The following SCYL1 variants were observed in gnomAD, a reference collection of about 807,000 sequenced individuals.
SCYL1 encodes N-terminal kinase-like protein.
In SCYL1, 85 loss-of-function variants were observed where a neutral mutation model predicts 94.8. The observed-to-expected ratio is 0.90, with a 90% CI of 0.75 to 1.07. The LOEUF (loss-of-function observed/expected upper bound fraction) is 1.07, where lower values mean the gene tolerates loss of function less well. Among genes scored for constraint, SCYL1 ranks in the 50% least tolerant of loss-of-function variants. The pLI is 0.00. For synonymous variants in SCYL1, 459 were observed against 435.5 expected, an observed-to-expected ratio of 1.05 and a Z score of -0.67; for missense variants, 968 against 1,083.3, an observed-to-expected ratio of 0.89 and a Z score of 1.49.
At position 65,536,137 on chromosome 11, in the gene SCYL1, A is replaced by C. The variant is rs769181430; in HGVS notation, c.1571A>C (p.Asp524Ala). The change falls in exon 11 of 18, where the codon GAC (aspartate) becomes GCC (alanine). Residue 524 changes from aspartate (D) to alanine (A), a missense_variant. By Grantham distance (126) the Asp-to-Ala change is moderately radical (BLOSUM62 -2). This residue lies in a region of SCYL1 where 474 missense variants were observed against 463.6 expected (regional missense o/e 1.02). Coordinates refer to ENST00000270176, the MANE Select transcript of SCYL1 (RefSeq NM_020680.4). ...GTAGATCCTGAGAAATCCGTGCGAG[A>C]CCAGGTGAGGCACAGCTGGGCCTGG... is the stretch of plus-strand genomic sequence containing the variant. ...LTVDPEKSVR[D>A]QAFKAIRSFL... The C allele has an allele frequency of 1.2e-6, 2 of 1,613,270 alleles. No individual in the cohort carries two copies. Among genetic ancestry groups the C allele is most frequent in the South Asian group, 2.2e-5 (2 of 90,988 alleles).
chr11:65,535,852 G>T, intron 10 of SCYL1, 101 bp from the exon 11 acceptor site: 1 of 1,132,542 alleles, frequency 8.8e-7, no homozygotes, highest in East Asian at 2.4e-5. Flanking sequence ...TTCAGATTCT[G>T]GGGACCTATG....
intron 6 of SCYL1, among the ~76,000 whole-genome samples, chr11:65,528,144 T>C (rs1855182589): frequency 6.6e-6 from 1 of 152,080 alleles, no homozygotes; most frequent in Admixed American, 6.5e-5. Flanking sequence ...ACAGAAAACA[T>C]AAAAACCATA....
At chr11:65,537,921 T>C in intron 15 of SCYL1, 41 bp downstream of exon 15, 1 of 1,583,948 alleles carries the variant, frequency 6.3e-7, no homozygotes, top group South Asian at 1.1e-5. Flanking sequence ...ATGGGGCTCT[T>C]TCCTCCTTGG....
At chr11:65,530,828 C>G in intron 7 of SCYL1, 41 bp downstream of exon 7, 1 of 1,570,288 alleles carries the variant, frequency 6.4e-7, no homozygotes, top group Non-Finnish European at 8.6e-7. Context: ...GCTGGGTGCA[C>G]AGGAACTGCC....
chr11:65,532,849 GGCTTGGAGGGGCTCACCCT>G (rs1215289564), intron 9 of SCYL1, 44 bp downstream of exon 9: 18 of 1,409,080 alleles, frequency 1.3e-5, no homozygotes, highest in Non-Finnish European at 1.8e-5. Context: ...GGTTTTCCAA[GGCTTGGAGGGGCTCACCCT>G]AGACACAGAG....
At position 65,537,077 on chromosome 11, in the gene SCYL1, G is replaced by A. The variant is rs1483713720; in HGVS notation, c.1908G>A (p.Glu636=). ...ETQEEDKDTA[E]DSSTADRWDD... is the part of the protein sequence containing the mutation. ...AGGAGGAGGACAAGGACACAGCAGA[G>A]GACAGCAGCACTGCTGACAGATGGG... is the stretch of plus-strand genomic sequence containing the variant. Residue 636 remains glutamate, a synonymous_variant, in exon 14 of 18, where the codon GAG becomes GAA. Transcript: ENST00000270176. The A allele has an allele frequency of 6.2e-7, 1 of 1,614,152 alleles. No homozygotes were observed. Among genetic ancestry groups the A allele is most frequent in the Admixed American group, 1.7e-5 (1 of 60,034 alleles).
intron 8 of SCYL1, 46 bp downstream of exon 8, chr11:65,531,729 A>G (rs1370329555): frequency 6.9e-7 from 1 of 1,441,302 alleles, no homozygotes; most frequent in African/African-American, 1.4e-5. Context: ...CCAGACCCCA[A>G]CCTGGTGGCT....
intron 14 of SCYL1, among the ~76,000 whole-genome samples, 159 bp from the exon 15 acceptor site, chr11:65,537,650 G>C (rs1475474412): frequency 6.6e-6 from 1 of 152,164 alleles, no homozygotes; most frequent in African/African-American, 2.4e-5. Context: ...GGGCAGGCCA[G>C]GGTCAGCGTC....
chr11:65,530,489 A>G (rs1855306631), intron 6 of SCYL1, 140 bp from the exon 7 acceptor site: 1 of 839,482 alleles, frequency 1.2e-6, no homozygotes, highest in African/African-American at 1.7e-5. Flanking sequence ...TAAGTGGGAC[A>G]GTTGGGCTTT....
intron 9 of SCYL1, 88 bp from the exon 10 acceptor site, chr11:65,535,139 T>C (rs991700732): frequency 1.3e-6 from 2 of 1,544,390 alleles, no homozygotes; most frequent in African/African-American, 1.4e-5. Flanking sequence ...ATGGGTGTGC[T>C]CTGGGATGAG....
rs1360286465 is a variant in SCYL1 at position 65,531,641 on chromosome 11, C to A, written c.1074C>A (p.Phe358Leu). Residue 358 changes from phenylalanine to leucine, a missense_variant, in exon 8 of 18, where the codon TTC becomes TTA. Phe to Leu is a conservative substitution (Grantham distance 22). Around this residue, in one of 2 missense-constraint regions of SCYL1, gnomAD observed 494 missense variants for 619.7 expected, o/e 0.80. Transcript: ENST00000270176. ...QKIIPVVVKM[F>L]SSTDRAMRIR... is the part of the protein sequence containing the mutation. ...TCATCCCTGTGGTGGTCAAGATGTT[C>A]TCATCCACTGACCGGGCCATGCGCA... 1.2e-6 allele frequency: 2 copies of A among 1,613,906 alleles called. No homozygotes were observed. Among genetic ancestry groups the A allele is most frequent in the African/African-American group, 1.3e-5 (1 of 74,928 alleles).
intron 6 of SCYL1, among the ~76,000 whole-genome samples, chr11:65,528,356 C>T (rs190019759): frequency 7.2e-4 from 109 of 152,240 alleles, no homozygotes; most frequent in African/African-American, 2.5e-3. Context: ...GCAGGAAAAT[C>T]GCTTGAACCT....
At position 65,530,896 on chromosome 11, in the gene SCYL1, C is replaced by G. The variant is rs1855330033; in HGVS notation, c.1008+109C>G. The G allele has an allele frequency of 1.1e-5, 13 of 1,223,872 alleles. No homozygotes were observed. The South Asian group carries it at 2.0e-4, about 18-fold the overall frequency. The allele number at this position is 1,223,872 out of a possible 1,614,324, so 75.8% of individuals were successfully genotyped here. A position where few individuals can be genotyped will look rare whatever the true frequency, so the allele number is the denominator to read the frequency against. On this transcript the variant is annotated intron_variant, in intron 7 of 17. Coordinates refer to ENST00000270176, the MANE Select transcript of SCYL1 (RefSeq NM_020680.4). ...TAGGGCAGACCCAAGCCCATATGAG[C>G]AGGAGCTTCCTGCCAGTGTCTATAA...
chr11:65,536,185 G>C, intron 11 of SCYL1, 44 bp downstream of exon 11: 1 of 1,605,776 alleles, frequency 6.2e-7, no homozygotes, highest in East Asian at 2.2e-5. Context: ...GGCTGTAGGG[G>C]ATGTCAGCCC....
chr11:65,526,321 C>T lies in SCYL1; in HGVS notation c.573C>T (p.Asp191=), dbSNP rs1326912256. The T allele has an allele frequency of 6.2e-7, 1 of 1,606,684 alleles. No individual in the cohort carries two copies. Among genetic ancestry groups the T allele is most frequent in the South Asian group, 1.1e-5 (1 of 90,750 alleles). Reference sequence around the variant, plus strand: ...AGTATGACCCCCCGGAGTTGGCTGACAGCAGTGGCAGAGTGGTCAGAGAGA... The same window carrying T: ...AGTATGACCCCCCGGAGTTGGCTGATAGCAGTGGCAGAGTGGTCAGAGAGA... The part of the protein sequence containing the change: ...LEQYDPPELA[D]SSGRVVREKW... The change falls in exon 4 of 18, where the codon GAC becomes GAT. Residue 191 remains aspartate, a synonymous_variant. Transcript: ENST00000270176. The surrounding 1 kb of genome is among the most constrained non-coding windows in gnomAD (Gnocchi z 4.1).
chr11:65,526,339 C>T lies in SCYL1; in HGVS notation c.591C>T (p.Val197=). The change falls in exon 4 of 18, where the codon GTC becomes GTT. Residue 197 remains valine (V), a synonymous_variant. Transcript: ENST00000270176. The surrounding 1 kb of genome is among the most constrained non-coding windows in gnomAD (Gnocchi z 4.1). ...PELADSSGRV[V]REKWSADMWR... ...TGGCTGACAGCAGTGGCAGAGTGGT[C>T]AGAGAGAAGTGGTGGGTGACTGGGG... 6.2e-7 allele frequency: 1 copy of T among 1,600,702 alleles called. No homozygotes were observed. Among genetic ancestry groups the T allele is most frequent in the South Asian group, 1.1e-5 (1 of 90,050 alleles).
chr11:65,536,136 G>T lies in SCYL1; in HGVS notation c.1570G>T (p.Asp524Tyr). ...LTVDPEKSVR[D>Y]QAFKAIRSFL... is the part of the protein sequence containing the mutation. ...TGTAGATCCTGAGAAATCCGTGCGAGACCAGGTGAGGCACAGCTGGGCCTG... is the reference window on the plus strand; with the variant it reads ...TGTAGATCCTGAGAAATCCGTGCGATACCAGGTGAGGCACAGCTGGGCCTG... The change falls in exon 11 of 18, where the codon GAC becomes TAC. Residue 524 changes from aspartate to tyrosine, a missense_variant. By Grantham distance (160) the Asp-to-Tyr change is radical. Coordinates refer to ENST00000270176, the MANE Select transcript of SCYL1 (RefSeq NM_020680.4). 6.2e-7 allele frequency: 1 copy of T among 1,613,282 alleles called. No homozygotes were observed. Among genetic ancestry groups the T allele is most frequent in the Non-Finnish European group, 8.5e-7 (1 of 1,179,488 alleles).
chr11:65,530,512 C>G, intron 6 of SCYL1, 117 bp from the exon 7 acceptor site: 1 of 1,193,652 alleles, frequency 8.4e-7, no homozygotes, highest in Non-Finnish European at 1.2e-6. Flanking sequence ...ACCCAGGCAG[C>G]CAGGCTCCAG....
chr11:65,526,359 CT>C lies in SCYL1; in HGVS notation c.602+10del, dbSNP rs752692689. 7.5e-5 allele frequency: 118 copies of C among 1,582,508 alleles called. 2 individuals are homozygous for C. The South Asian group carries it at 8.6e-4, about 12-fold the overall frequency. On this transcript the variant is annotated intron_variant, in intron 4 of 17. Transcript: ENST00000270176. This position sits in a 1 kb window ranked among gnomAD's most constrained non-coding sequence, Gnocchi z 4.1. ...GTGGTCAGAGAGAAGTGGTGGGTGA[CT>C]GGGGGCAGCGCGCCCCAACCTGCCC...
Sources: gnomAD v4.1 joint callset for allele counts (sites outside exome capture counted in the v4.1 genomes callset) on GRCh38, gnomAD v4.1.1 for gene constraint, gnomAD v4.1.1 regional missense constraint, Gnocchi (gnomAD v3.1) non-coding constraint, MANE v1.5 for transcripts, NCBI Gene and HGNC (gene_info 2026-07-23, HGNC 2026-07-21) for gene names.